Variants in SNX2 observed in about 807,000 individuals in gnomAD.
The protein encoded by SNX2 is sorting nexin 2.
A neutral mutation model predicts 69.9 loss-of-function variants in SNX2; 25 were observed. The observed-to-expected ratio is 0.36, with a 90% CI of 0.26 to 0.50. The LOEUF is 0.50. SNX2 is among the 20% of genes least tolerant of loss of function. SNX2 has a pLI of 0.97. For missense variants in SNX2, 551 were observed against 613.3 expected, an observed-to-expected ratio of 0.90 and a Z score of 1.07; for synonymous variants, 229 against 200.4, an observed-to-expected ratio of 1.14 and a Z score of -1.20.
chr5:122,821,657 G>A (rs879884414), intron 11 of SNX2, among the ~76,000 whole-genome samples: 5 of 151,998 alleles, frequency 3.3e-5, no homozygotes, highest in Non-Finnish European at 4.4e-5. Context: ...AGGTTTCACC[G>A]TGTTAGCCAG....
chr5:122,806,142 G>GCGCACACACACACACACACACACACACA lies in SNX2; in HGVS notation c.644-2134_644-2133insGCACACACACACACACACACACACACAC. Among the ~76,000 whole-genome samples, 88 of 130,652 alleles carry GCGCACACACACACACACACACACACACA rather than the reference G, an allele frequency of 6.7e-4. 1 individual carries two copies. Among genetic ancestry groups the GCGCACACACACACACACACACACACACA allele is most frequent in the Non-Finnish European group, 9.2e-4 (56 of 61,016 alleles). The allele number at this position is 130,652 out of a possible 152,430, so 85.7% of individuals were successfully genotyped here. On this transcript the variant is annotated intron_variant, in intron 6 of 14. Coordinates refer to ENST00000379516, the MANE Select transcript of SNX2 (RefSeq NM_003100.4). ...TGTGTATATATATACACACGCGCGC[G>GCGCACACACACACACACACACACACACA]CACACACACACACACACACACACAC...
intron 4 of SNX2, 58 bp from the exon 5 acceptor site, chr5:122,802,023 A>C: frequency 1.3e-6 from 2 of 1,540,846 alleles, no homozygotes; most frequent in Non-Finnish European, 1.8e-6. Context: ...ATATAGTATT[A>C]AATGAGTTTT....
chr5:122,808,129 C>T (rs1198254553), intron 6 of SNX2, 148 bp from the exon 7 acceptor site: 18 of 507,808 alleles, frequency 3.5e-5, no homozygotes, highest in Admixed American at 7.5e-5. Flanking sequence ...TTCCTCAAAA[C>T]GTTTTTGCTT....
chr5:122,831,372 C>T lies in SNX2; in HGVS notation c.*1724C>T, dbSNP rs753956999. ...CCTGTAGTCCCAGCTTCTTGGGAGG[C>T]TGAGGCAGGAGGATCTCTTGAGCCC... On this transcript the variant is annotated 3_prime_UTR_variant, in exon 15 of 15. Transcript: ENST00000379516. Among the ~76,000 whole-genome samples, 10 of 152,200 alleles carry T rather than the reference C, an allele frequency of 6.6e-5. No individual in the cohort carries two copies. Among genetic ancestry groups the T allele is most frequent in the Middle Eastern group, 3.4e-3 (1 of 292 alleles).
chr5:122,808,629 G>T, intron 7 of SNX2: 1 of 226,720 alleles, frequency 4.4e-6, no homozygotes, highest in South Asian at 1.2e-4. Context: ...GCATATAATA[G>T]AAAACATATA....
chr5:122,798,842 T>C (rs1753446413), intron 2 of SNX2, among the ~76,000 whole-genome samples: 1 of 152,204 alleles, frequency 6.6e-6, no homozygotes, highest in Non-Finnish European at 1.5e-5. Context: ...TCAACTCAAA[T>C]TGTAGTGTTT....
At chr5:122,815,108 T>A (rs1753873432) in intron 7 of SNX2, among the ~76,000 whole-genome samples, 1 of 151,992 alleles carries the variant, frequency 6.6e-6, no homozygotes, top group Non-Finnish European at 1.5e-5. Flanking sequence ...ATAGTTGACC[T>A]TATTTCCTTT....
chr5:122,780,254 C>T (rs754409112), intron 1 of SNX2, among the ~76,000 whole-genome samples: 37 of 152,094 alleles, frequency 2.4e-4, no homozygotes, highest in Non-Finnish European at 4.3e-4. Context: ...TATGAACCAA[C>T]AGAAGTCAAT....
intron 1 of SNX2, among the ~76,000 whole-genome samples, chr5:122,791,831 C>T (rs1048873445): frequency 1.3e-5 from 2 of 152,236 alleles, no homozygotes; most frequent in African/African-American, 2.4e-5. Context: ...GAGTGTTTTA[C>T]TGCTAGATAC....
At chr5:122,819,063 C>A in intron 11 of SNX2, 40 bp downstream of exon 11, 1 of 1,486,910 alleles carries the variant, frequency 6.7e-7, no homozygotes, top group Non-Finnish European at 9.3e-7. Context: ...GTGTCGTGTA[C>A]TTTAAAAAGT....
intron 1 of SNX2, among the ~76,000 whole-genome samples, chr5:122,780,632 C>G (rs1752960076): frequency 6.7e-6 from 1 of 149,002 alleles, no homozygotes; most frequent in African/African-American, 2.5e-5. Context: ...TGCAGTGGCG[C>G]AACCTCAGCT....
chr5:122,825,085 C>A (rs1416087273), intron 11 of SNX2, among the ~76,000 whole-genome samples: 1 of 152,096 alleles, frequency 6.6e-6, no homozygotes, highest in East Asian at 1.9e-4. Context: ...ATATTTTTCT[C>A]TTCAGATCCC....
chr5:122,791,504 A>G (rs746541941), intron 1 of SNX2, among the ~76,000 whole-genome samples: 16 of 152,250 alleles, frequency 1.1e-4, no homozygotes, highest in Non-Finnish European at 2.1e-4. Context: ...CTGGTCTCGA[A>G]CTCTTGACCT....
At chr5:122,787,502 A>G (rs577150635) in intron 1 of SNX2, among the ~76,000 whole-genome samples, 1 of 152,250 alleles carries the variant, frequency 6.6e-6, no homozygotes, top group African/African-American at 2.4e-5. Context: ...CCTGGGGGAC[A>G]GAGCAAGACT....
rs772499406 is a variant in SNX2, at chr5:122,816,893, CTTAT to C, written c.799-19_799-16del. The C allele has an allele frequency of 6.0e-6, 9 of 1,503,288 alleles. No homozygotes were observed. The South Asian group carries it at 9.2e-5, about 15-fold the overall frequency. The allele number at this position is 1,503,288 out of a possible 1,614,324, so 93.1% of individuals were successfully genotyped here. On this transcript the variant is annotated intron_variant, in intron 8 of 14. Transcript: ENST00000379516. ...CAGGCTTTTAACCGGTTTGTTTGCC[CTTAT>C]TTGTCATTCAATTCCAGCTGCCTAG...
chr5:122,816,620 G>A (rs1261807006), intron 8 of SNX2, among the ~76,000 whole-genome samples: 2 of 151,986 alleles, frequency 1.3e-5, no homozygotes, highest in African/African-American at 4.8e-5. Flanking sequence ...TAGGGTACTT[G>A]GCAATTTCTT....
At chr5:122,775,817 C>T in intron 1 of SNX2, 1 of 969,754 alleles carries the variant, frequency 1.0e-6, no homozygotes, top group Non-Finnish European at 1.2e-6. Flanking sequence ...TTTAAAAGGT[C>T]ATAGTATTTA....
At position 122,830,803 on chromosome 5, in the gene SNX2, G is replaced by A. The variant is rs1421528918; in HGVS notation, c.*1155G>A. On this transcript the variant is annotated 3_prime_UTR_variant, in exon 15 of 15. Coordinates refer to ENST00000379516, the MANE Select transcript of SNX2 (RefSeq NM_003100.4). ...GTGGGTGGATCACCTGAGGTCAGGA[G>A]TTCAAGACTAGCCTGGCCAACATGG... Among the ~76,000 whole-genome samples the A allele has an allele frequency of 6.6e-6, 1 of 152,056 alleles. No individual in the cohort carries two copies. Among genetic ancestry groups the A allele is most frequent in the Non-Finnish European group, 1.5e-5 (1 of 68,024 alleles).
chr5:122,808,584 A>G, intron 7 of SNX2: 1 of 355,372 alleles, frequency 2.8e-6, no homozygotes, highest in East Asian at 4.7e-5. Context: ...CTAACAAAAT[A>G]ACACTTGTTT....
Sources: allele counts gnomAD v4.1 joint callset (sites outside exome capture counted in the v4.1 genomes callset), GRCh38; gene constraint gnomAD v4.1.1; transcripts MANE v1.5; gene names NCBI Gene and HGNC (gene_info 2026-07-23, HGNC 2026-07-21).